Variants in AOPEP observed in about 807,000 individuals in gnomAD.
The protein encoded by AOPEP is aminopeptidase O.
AOPEP carries 77 observed loss-of-function variants against 98.1 expected under a neutral mutation model. The observed-to-expected ratio is 0.78, with a 90% CI of 0.65 to 0.95. The LOEUF (loss-of-function observed/expected upper bound fraction) is 0.95. Among genes scored for constraint, AOPEP ranks in the 40% least tolerant of loss-of-function variants. The pLI, the probability that AOPEP is intolerant of heterozygous loss-of-function variation, is 0.00. For missense variants in AOPEP, 1,024 were observed against 1,024.7 expected (o/e 1.00, Z 0.01); for synonymous variants, 346 against 365.3 (o/e 0.95, Z 0.60).
intron 1 of AOPEP, among the ~76,000 whole-genome samples, chr9:94,758,975 C>T (rs1321628923): frequency 1.3e-5 from 2 of 151,416 alleles, no homozygotes; most frequent in South Asian, 2.1e-4. Flanking sequence ...GGCTATTATC[C>T]AGAATGTTAA....
intron 5 of AOPEP, among the ~76,000 whole-genome samples, chr9:94,829,194 TTACACA>T (rs1855367657): frequency 6.6e-6 from 1 of 151,200 alleles, no homozygotes; most frequent in Non-Finnish European, 1.5e-5. Context: ...ATAAACCAGT[TTACACA>T]CACACACACA....
chr9:94,755,744 C>T (rs866500038), intron 1 of AOPEP, among the ~76,000 whole-genome samples: 17 of 152,228 alleles, frequency 1.1e-4, no homozygotes, highest in Admixed American at 2.6e-4. Context: ...GATGAGAATT[C>T]CAAGGAAAAG....
the AOPEP span, chr9:95,114,259 C>A: frequency 2.9e-6 from 1 of 350,034 alleles, no homozygotes; most frequent in Non-Finnish European, 5.6e-6. Flanking sequence ...AGGACCCAAA[C>A]AAGTGCCCTT....
intron 5 of AOPEP, among the ~76,000 whole-genome samples, chr9:94,854,855 A>ATGTAT (rs2043979718): frequency 1.3e-5 from 2 of 152,032 alleles, no homozygotes; most frequent in African/African-American, 4.8e-5. Flanking sequence ...GAGGCACCAA[A>ATGTAT]CGAGCTCTAC....
intron 13 of AOPEP, among the ~76,000 whole-genome samples, chr9:95,016,006 A>G (rs1008013487): frequency 1.3e-5 from 2 of 151,826 alleles, no homozygotes; most frequent in Non-Finnish European, 2.9e-5. Flanking sequence ...CTGGCCCCGG[A>G]AATTGATCTT....
intron 13 of AOPEP, among the ~76,000 whole-genome samples, chr9:95,051,718 T>G (rs2066382797): frequency 6.6e-6 from 1 of 152,096 alleles, no homozygotes; most frequent in South Asian, 2.1e-4. Context: ...TTTTTTTTTT[T>G]TTTGAGACGG....
chr9:94,809,143 C>G (rs1220718463), intron 5 of AOPEP, among the ~76,000 whole-genome samples: 2 of 152,058 alleles, frequency 1.3e-5, no homozygotes, highest in African/African-American at 4.8e-5. Flanking sequence ...TTGGGAGTTT[C>G]TAAAGTTGGT....
intron 7 of AOPEP, chr9:94,931,586 C>A: frequency 1.5e-6 from 1 of 645,586 alleles, no homozygotes; most frequent in Non-Finnish European, 2.7e-6. Context: ...ATTTTGTTTT[C>A]AATGAGACCT....
At chr9:95,126,454 C>T in the AOPEP span, 1 of 1,395,540 alleles carries the variant, frequency 7.2e-7, no homozygotes, top group African/African-American at 1.4e-5. Context: ...GAGACTACCA[C>T]AACATTTTCT....
chr9:94,803,274 G>A (rs774703319), intron 5 of AOPEP, among the ~76,000 whole-genome samples: 4 of 152,100 alleles, frequency 2.6e-5, no homozygotes, highest in East Asian at 3.8e-4. Context: ...ATGCAAGATC[G>A]TAAATTCCAT....
chr9:95,008,882 G>A (rs2062256171), intron 13 of AOPEP, among the ~76,000 whole-genome samples: 1 of 151,966 alleles, frequency 6.6e-6, no homozygotes, highest in Admixed American at 6.6e-5. Flanking sequence ...TGTTCTCCTG[G>A]TATGACTGAA....
At position 94,930,743 on chromosome 9, in the gene AOPEP, TG is replaced by T. The variant is rs999857176; in HGVS notation, c.1661+2215del. On this transcript the variant is annotated intron_variant, in intron 7 of 16. Transcript: ENST00000375315. This position sits in a 1 kb window ranked among gnomAD's most constrained non-coding sequence, Gnocchi z 4.5. ...CGAAAGAGAGAGAAGTGGGACTACA[TG>T]GGTGATGGAGAAGGAAGTCAGGCTG... Among the ~76,000 whole-genome samples, 3 of 151,764 alleles carry T rather than the reference TG, an allele frequency of 2.0e-5. No homozygotes were observed. Among genetic ancestry groups the T allele is most frequent in the Admixed American group, 2.0e-4 (3 of 15,262 alleles).
At chr9:95,101,923 C>T in the AOPEP span, 1 of 1,546,014 alleles carries the variant, frequency 6.5e-7, no homozygotes, top group Non-Finnish European at 8.9e-7. Context: ...CAGGGACGGA[C>T]CATAACCACC....
chr9:94,911,551 A>G (rs1056733289), intron 5 of AOPEP, among the ~76,000 whole-genome samples: 1 of 152,230 alleles, frequency 6.6e-6, no homozygotes, highest in African/African-American at 2.4e-5. Flanking sequence ...ACAGGGATAT[A>G]TGACAGGATT....
chr9:94,946,325 G>A (rs1205695101), intron 7 of AOPEP, among the ~76,000 whole-genome samples: 1 of 152,158 alleles, frequency 6.6e-6, no homozygotes, highest in Admixed American at 6.5e-5. Context: ...TCTTAAAATT[G>A]TAGATATTAG....
chr9:94,786,724 A>G (rs1844508290), intron 3 of AOPEP, among the ~76,000 whole-genome samples: 1 of 152,240 alleles, frequency 6.6e-6, no homozygotes, highest in Non-Finnish European at 1.5e-5. Context: ...CCAGAGCACT[A>G]GCAGCGCTCC....
chr9:94,831,980 G>A (rs1426429616), intron 5 of AOPEP, among the ~76,000 whole-genome samples: 4 of 152,100 alleles, frequency 2.6e-5, no homozygotes, highest in African/African-American at 7.2e-5. Context: ...AGGGACTGAA[G>A]GGGAAAAGGT....
At chr9:94,946,677 CTCT>C (rs1485153850) in intron 7 of AOPEP, among the ~76,000 whole-genome samples, 1 of 152,214 alleles carries the variant, frequency 6.6e-6, no homozygotes, top group African/African-American at 2.4e-5. Flanking sequence ...TATCTGAAGG[CTCT>C]TCTTTCTTTT....
chr9:94,770,432 G>C (rs377214653), intron 2 of AOPEP, among the ~76,000 whole-genome samples: 1 of 152,176 alleles, frequency 6.6e-6, no homozygotes, highest in East Asian at 1.9e-4. Context: ...AAAATATCTT[G>C]CAAGGTTACA....
Sources: gnomAD v4.1 joint callset for allele counts (sites outside exome capture counted in the v4.1 genomes callset) on GRCh38, gnomAD v4.1.1 for gene constraint, Gnocchi (gnomAD v3.1) non-coding constraint, MANE v1.5 for transcripts, NCBI Gene and HGNC (gene_info 2026-07-23, HGNC 2026-07-21) for gene names.